Variants in SFRP1 observed in about 807,000 individuals in gnomAD.
The protein encoded by SFRP1 is secreted frizzled-related protein 1.
Under a neutral mutation model 25.9 loss-of-function variants are expected in SFRP1, and 9 were observed. That is an observed-to-expected ratio of 0.35 (90% CI 0.21 to 0.61). The LOEUF is 0.61. Ranked by LOEUF, SFRP1 falls within the 20% of genes least tolerant of loss-of-function variation. The pLI is 0.78. For synonymous variants in SFRP1, 178 were observed against 174.0 expected (o/e 1.02, Z -0.18); for missense variants, 346 against 418.2 (o/e 0.83, Z 1.51).
At chr8:41,303,632 A>G (rs1323083232) in intron 1 of SFRP1, 94 bp from the exon 2 acceptor site, 1 of 943,498 alleles carries the variant, frequency 1.1e-6, no homozygotes, top group Non-Finnish European at 1.7e-6. Flanking sequence ...TCCAGGCTGA[A>G]AGTGGCTAAA....
At chr8:41,273,284 G>A (rs1803533431) in intron 2 of SFRP1, among the ~76,000 whole-genome samples, 1 of 152,140 alleles carries the variant, frequency 6.6e-6, no homozygotes, top group Non-Finnish European at 1.5e-5. Context: ...GGGCTCAGGA[G>A]TTCGAGACCA....
rs948341691 is a variant in SFRP1, at chr8:41,300,491, A to C, written c.622+2970T>G. ...TGAACTCTCCTAGCAGAAGTGTATCACCATGCAAATTTCCCCCAGGAAAGC... is the reference window on the plus strand; with the variant it reads ...TGAACTCTCCTAGCAGAAGTGTATCCCCATGCAAATTTCCCCCAGGAAAGC... On this transcript the variant is annotated intron_variant, in intron 2 of 2. Transcript: ENST00000220772. Among the ~76,000 whole-genome samples, 18 of 152,190 alleles carry C rather than the reference A, an allele frequency of 1.2e-4. No homozygotes were observed. The East Asian group carries it at 1.7e-3, about 15-fold the overall frequency.
chr8:41,290,753 T>G (rs1049215126), intron 2 of SFRP1, among the ~76,000 whole-genome samples: 5 of 151,914 alleles, frequency 3.3e-5, no homozygotes, highest in African/African-American at 1.2e-4. Flanking sequence ...GCTCCAGGGC[T>G]CCTCTCTCCC....
chr8:41,295,239 T>C (rs1803829293), intron 2 of SFRP1, among the ~76,000 whole-genome samples: 1 of 152,040 alleles, frequency 6.6e-6, no homozygotes, highest in African/African-American at 2.4e-5. Context: ...TGCGTGCCTG[T>C]AATCCCAGCT....
intron 1 of SFRP1, chr8:41,306,671 T>A (rs1455312511): frequency 2.5e-6 from 4 of 1,580,446 alleles, no homozygotes; most frequent in South Asian, 1.1e-5. Flanking sequence ...ACCGGCCCTC[T>A]CCCCACTTTT....
At chr8:41,275,188 A>T (rs1803556215) in intron 2 of SFRP1, 1 of 453,504 alleles carries the variant, frequency 2.2e-6, no homozygotes, top group Non-Finnish European at 4.4e-6. Flanking sequence ...CTCTGCCTGG[A>T]ACCTGCTCCC....
chr8:41,287,383 G>A (rs1803718124), intron 2 of SFRP1, among the ~76,000 whole-genome samples: 2 of 152,242 alleles, frequency 1.3e-5, no homozygotes, highest in African/African-American at 4.8e-5. Context: ...CCGAAGCGAT[G>A]CTGAGCGCTC....
chr8:41,288,130 G>A (rs1803729920), intron 2 of SFRP1, among the ~76,000 whole-genome samples: 2 of 152,094 alleles, frequency 1.3e-5, no homozygotes, highest in African/African-American at 4.8e-5. Flanking sequence ...GGCCAAGGCA[G>A]GCAGATCACC....
intron 2 of SFRP1, among the ~76,000 whole-genome samples, chr8:41,293,830 T>A (rs1343151401): frequency 3.9e-5 from 6 of 152,016 alleles, no homozygotes; most frequent in Non-Finnish European, 8.8e-5. Context: ...TGGAGTGCAG[T>A]GGCCTGAACA....
chr8:41,308,473 C>T (rs1258581877), intron 1 of SFRP1, 143 bp downstream of exon 1: 2 of 670,428 alleles, frequency 3.0e-6, no homozygotes, highest in South Asian at 1.9e-5. Flanking sequence ...GAATCACGTG[C>T]ACAGCATGCG....
intron 1 of SFRP1, among the ~76,000 whole-genome samples, chr8:41,305,912 T>A (rs1052466813): frequency 1.2e-4 from 19 of 152,220 alleles, no homozygotes; most frequent in Non-Finnish European, 1.5e-5. Context: ...GAAGGCTTTC[T>A]GGGGAACAGA....
chr8:41,284,621 G>C (rs560050389), intron 2 of SFRP1, among the ~76,000 whole-genome samples: 1 of 152,322 alleles, frequency 6.6e-6, no homozygotes, highest in South Asian at 2.1e-4. Flanking sequence ...GAAGTGACCT[G>C]CAGGGACCAC....
chr8:41,287,980 C>T (rs1345942298), intron 2 of SFRP1, among the ~76,000 whole-genome samples: 1 of 152,044 alleles, frequency 6.6e-6, no homozygotes, highest in East Asian at 1.9e-4. Flanking sequence ...GCAGCTCATG[C>T]CTATAGGCAG....
intron 2 of SFRP1, chr8:41,276,858 G>C (rs1803577982): frequency 6.7e-6 from 3 of 447,056 alleles, no homozygotes; most frequent in South Asian, 4.7e-5. Flanking sequence ...AGTAGAGATT[G>C]CAACTTTGCA....
chr8:41,287,797 G>T (rs1353211864), intron 2 of SFRP1, among the ~76,000 whole-genome samples: 2 of 152,226 alleles, frequency 1.3e-5, no homozygotes, highest in South Asian at 4.1e-4. Flanking sequence ...GGAAAGTGCA[G>T]CATGTGTCAC....
intron 2 of SFRP1, among the ~76,000 whole-genome samples, chr8:41,288,829 T>C (rs1803741242): frequency 6.6e-6 from 1 of 152,190 alleles, no homozygotes; most frequent in Non-Finnish European, 1.5e-5. Flanking sequence ...GGGGCTCCTA[T>C]GCCATCCATC....
chr8:41,270,289 T>C (rs903984575), intron 2 of SFRP1, among the ~76,000 whole-genome samples: 5 of 152,084 alleles, frequency 3.3e-5, no homozygotes, highest in Non-Finnish European at 5.9e-5. Flanking sequence ...AGTTTAAAAT[T>C]AGAGTCAAAA....
intron 2 of SFRP1, among the ~76,000 whole-genome samples, chr8:41,274,775 TTTAC>T (rs1252224758): frequency 5.9e-5 from 9 of 152,210 alleles, no homozygotes; most frequent in Non-Finnish European, 8.8e-5. Flanking sequence ...TTAAACTATA[TTTAC>T]GTTGAATCAA....
chr8:41,293,711 T>C (rs1289480741), intron 2 of SFRP1, among the ~76,000 whole-genome samples: 3 of 152,076 alleles, frequency 2.0e-5, no homozygotes, highest in East Asian at 1.9e-4. Flanking sequence ...CAAAAAAGCA[T>C]GGCAAAGGCC....
Sources: gnomAD v4.1 joint callset for allele counts (sites outside exome capture counted in the v4.1 genomes callset) on GRCh38, gnomAD v4.1.1 for gene constraint, MANE v1.5 for transcripts, NCBI Gene and HGNC (gene_info 2026-07-23, HGNC 2026-07-21) for gene names.